Variants in SGCD observed in about 807,000 individuals in gnomAD.
SGCD encodes the protein delta-sarcoglycan.
SGCD carries 18 observed loss-of-function variants against 36.6 expected under a neutral mutation model. The ratio of observed to expected loss-of-function variants is 0.49; its 90% CI spans 0.34 to 0.73. The LOEUF (loss-of-function observed/expected upper bound fraction) is 0.73, where lower values mean the gene tolerates loss of function less well. Among genes scored for constraint, SGCD ranks in the 30% least tolerant of loss-of-function variants. The probability of loss-of-function intolerance (pLI) is 0.01; values close to 1 mark genes in which losing one functional copy is unlikely to be tolerated. For synonymous variants in SGCD, 133 were observed against 130.6 expected, an observed-to-expected ratio of 1.02 and a Z score of -0.12; for missense variants, 387 against 346.7, an observed-to-expected ratio of 1.12 and a Z score of -0.92.
the SGCD span, among the ~76,000 whole-genome samples, chr5:155,771,430 ATT>A: frequency 7.0e-6 from 1 of 141,998 alleles, no homozygotes; most frequent in Non-Finnish European, 1.6e-5. Context: ...TTAATTTTTA[ATT>A]TTTTTTTTTT....
intron 3 of SGCD, chr5:156,393,919 A>C: frequency 9.0e-6 from 4 of 442,226 alleles, no homozygotes; most frequent in South Asian, 6.3e-5. Context: ...GTTGACACTC[A>C]CAAGAGATGG....
the SGCD span, among the ~76,000 whole-genome samples, chr5:155,860,878 G>T: frequency 6.6e-6 from 1 of 152,186 alleles, no homozygotes; most frequent in Non-Finnish European, 1.5e-5. Flanking sequence ...AGACAAAGCT[G>T]CTAGAGCTCT....
At chr5:155,819,014 A>G in the SGCD span, among the ~76,000 whole-genome samples, 1 of 152,158 alleles carries the variant, frequency 6.6e-6, no homozygotes. Flanking sequence ...AGAGTAACAC[A>G]TTTCAGAAAG....
At chr5:155,737,385 G>A in the SGCD span, among the ~76,000 whole-genome samples, 1 of 152,014 alleles carries the variant, frequency 6.6e-6, no homozygotes, top group Non-Finnish European at 1.5e-5. Flanking sequence ...ATTTACATGT[G>A]GAGACACAAT....
rs145276218 is a variant in SGCD, at chr5:156,181,737, G to T, written c.-44+57718G>T. 4.2e-3 allele frequency among the ~76,000 whole-genome samples: 641 copies of T among 152,284 alleles called. 5 individuals carry two copies. Among genetic ancestry groups the T allele is most frequent in the African/African-American group, 0.015 (618 of 41,558 alleles). The stretch of plus-strand genomic sequence containing the variant: ...AGGGGCCCTTCATTTGGCATGCAAT[G>T]CTTGTTTAACCATTACAGCAAGTCA... On this transcript the variant is annotated intron_variant, in intron 3 of 9. Coordinates refer to the SGCD transcript ENST00000517913.
chr5:156,549,802 A>T (rs1452142005), intron 4 of SGCD, among the ~76,000 whole-genome samples: 1 of 152,238 alleles, frequency 6.6e-6, no homozygotes, highest in Non-Finnish European at 1.5e-5. Context: ...CTGTCTAACC[A>T]TGGTACCCAA....
chr5:156,373,687 A>G (rs1770510722), intron 3 of SGCD, among the ~76,000 whole-genome samples: 1 of 152,250 alleles, frequency 6.6e-6, no homozygotes. Flanking sequence ...TGCTAAGAGA[A>G]AATGAACGGA....
intron 7 of SGCD, among the ~76,000 whole-genome samples, chr5:156,730,730 G>T (rs576387321): frequency 2.0e-5 from 3 of 152,186 alleles, no homozygotes; most frequent in South Asian, 4.1e-4. Context: ...ATTCCTGTGG[G>T]TATATACCCT....
At chr5:156,609,398 T>G (rs1405311092) in intron 6 of SGCD, among the ~76,000 whole-genome samples, 1 of 152,236 alleles carries the variant, frequency 6.6e-6, no homozygotes, top group Admixed American at 6.5e-5. Flanking sequence ...CTTGTAGAGT[T>G]TCTGCCGAGA....
Position 156,028,255 on chromosome 5 carries a change from A to G in SGCD, c.-281-89623A>G, listed in dbSNP as rs546945900. ...GGTAGAATGTGCGTTCAGCCCAGAAATAGCCCTTGAACATGACTCTATGAT... is the reference window on the plus strand; with the variant it reads ...GGTAGAATGTGCGTTCAGCCCAGAAGTAGCCCTTGAACATGACTCTATGAT... On this transcript the variant is annotated intron_variant, in intron 1 of 9. Coordinates refer to the SGCD transcript ENST00000517913. 3.3e-5 allele frequency among the ~76,000 whole-genome samples: 5 copies of G among 152,318 alleles called. No individual in the cohort carries two copies. The East Asian group carries it at 9.6e-4, about 29-fold the overall frequency.
At chr5:156,650,492 C>G (rs749346034) in intron 7 of SGCD, among the ~76,000 whole-genome samples, 5 of 152,062 alleles carry the variant, frequency 3.3e-5, no homozygotes, top group Admixed American at 6.6e-5. Context: ...TGTCTTTTCT[C>G]TCTCCTCATC....
At chr5:156,089,964 G>A (rs1275081870) in intron 1 of SGCD, among the ~76,000 whole-genome samples, 1 of 152,032 alleles carries the variant, frequency 6.6e-6, no homozygotes. Flanking sequence ...AGACCCTGGG[G>A]CACTTTTCAT....
the SGCD span, among the ~76,000 whole-genome samples, chr5:155,779,226 T>C: frequency 6.6e-6 from 1 of 152,012 alleles, no homozygotes; most frequent in South Asian, 2.1e-4. Context: ...ATCACTTAAG[T>C]TGAGGAGTCC....
Position 155,884,692 on chromosome 5 carries a change from T to G in SGCD, c.-282+14268T>G, listed in dbSNP as rs186323248. Reference sequence around the variant, plus strand: ...GGTATGAACTCTAGACATGAGCAGATTTGAGTTTGAAACTTCATTCTTCCA... The same window carrying G: ...GGTATGAACTCTAGACATGAGCAGAGTTGAGTTTGAAACTTCATTCTTCCA... On this transcript the variant is annotated intron_variant, in intron 1 of 9. Transcript: ENST00000517913. 1.2e-3 allele frequency among the ~76,000 whole-genome samples: 181 copies of G among 152,346 alleles called. 1 individual carries two copies. Among genetic ancestry groups the G allele is most frequent in the African/African-American group, 4.1e-3 (172 of 41,584 alleles).
Position 156,595,001 on chromosome 5 carries a change from C to G in SGCD, c.452C>G (p.Ser151Cys). The G allele has an allele frequency of 6.2e-7, 1 of 1,612,448 alleles. No individual in the cohort carries two copies. The highest frequency in any genetic ancestry group is 8.5e-7 in the Non-Finnish European group (1 of 1,178,848). Reference sequence around the variant, plus strand: ...ACTGTTTCTGGAAAATTGCTCTTCTCTGCAGACAATAATGAAGTGGTAGTA... The same window carrying G: ...ACTGTTTCTGGAAAATTGCTCTTCTGTGCAGACAATAATGAAGTGGTAGTA... Reference protein sequence around the residue: ...VKTVSGKLLFSADNNEVVVGA... With the variant: ...VKTVSGKLLFCADNNEVVVGA... Residue 151 changes from serine to cysteine, a missense_variant, in exon 6 of 9, where the codon TCT (serine) becomes TGT (cysteine). Coordinates refer to ENST00000337851, the MANE Select transcript of SGCD (RefSeq NM_000337.6).
intron 1 of SGCD, among the ~76,000 whole-genome samples, chr5:155,954,005 A>G (rs1757595247): frequency 6.6e-6 from 1 of 152,146 alleles, no homozygotes; most frequent in African/African-American, 2.4e-5. Flanking sequence ...GGAGACAGAT[A>G]TTTTTATTAT....
At position 156,537,459 on chromosome 5, in the gene SGCD, CCACACACACACACACACACACA is replaced by C. The variant is rs769070218; in HGVS notation, c.294+28784_294+28805del. Among the ~76,000 whole-genome samples, 12 of 125,894 alleles carry C rather than the reference CCACACACACACACACACACACA, an allele frequency of 9.5e-5. No individual in the cohort carries two copies. The South Asian group carries it at 3.0e-3, about 31-fold the overall frequency. The allele number at this position is 125,894 out of a possible 152,430, so 82.6% of individuals were successfully genotyped here. On this transcript the variant is annotated intron_variant, in intron 4 of 8. Transcript: ENST00000337851. ...TGGGCTTGAGGTTAGAAGGTAGCAG[CCACACACACACACACACACACA>C]CACACACACACACACACACACACAC...
intron 7 of SGCD, among the ~76,000 whole-genome samples, chr5:156,653,493 C>CTTTTTGTTTTTTTTTTTTTTTTTTTTTT (rs1763545895): frequency 2.1e-5 from 1 of 48,082 alleles, no homozygotes; most frequent in Non-Finnish European, 4.0e-5. Context: ...CTAAAGCTTG[C>CTTTTTGTTTTTTTTTTTTTTTTTTTTTT]TTTTTTTTTT....
chr5:155,730,350 A>C, the SGCD span, among the ~76,000 whole-genome samples: 1 of 151,808 alleles, frequency 6.6e-6, no homozygotes, highest in Non-Finnish European at 1.5e-5. Flanking sequence ...ACTCATTTGT[A>C]GGTTGGGGAC....
Sources: allele counts gnomAD v4.1 joint callset (sites outside exome capture counted in the v4.1 genomes callset), GRCh38; gene constraint gnomAD v4.1.1; transcripts MANE v1.5; gene names NCBI Gene and HGNC (gene_info 2026-07-23, HGNC 2026-07-21).